RGS20: variants seen among roughly 807,000 people sequenced by gnomAD.
RGS20 encodes gz-selective GTPase-activating protein.
A neutral mutation model predicts 33.6 loss-of-function variants in RGS20; 30 were observed. The observed-to-expected ratio is 0.89, with a 90% CI of 0.67 to 1.21. RGS20 has a LOEUF of 1.21. Ranked by LOEUF, RGS20 falls within the 50% of genes most tolerant of loss-of-function variation. The probability of loss-of-function intolerance (pLI) is 0.00; values close to 1 mark genes in which losing one functional copy is unlikely to be tolerated. For missense variants in RGS20, 472 were observed against 502.4 expected (o/e 0.94, Z 0.58); for synonymous variants, 208 against 197.9 (o/e 1.05, Z -0.43).
At chr8:53,861,447 A>C (rs1182189409) in intron 1 of RGS20, among the ~76,000 whole-genome samples, 1 of 152,244 alleles carries the variant, frequency 6.6e-6, no homozygotes, top group Non-Finnish European at 1.5e-5. Flanking sequence ...GTGAAGTTAC[A>C]TAAAAATAGT....
chr8:53,899,254 G>A (rs952977389), intron 2 of RGS20, among the ~76,000 whole-genome samples: 2 of 151,954 alleles, frequency 1.3e-5, no homozygotes, highest in African/African-American at 2.4e-5. Context: ...CTTTTCTCAG[G>A]TGTCTCAGGT....
chr8:53,936,919 A>G (rs1248244436), intron 2 of RGS20, among the ~76,000 whole-genome samples: 1 of 152,098 alleles, frequency 6.6e-6, no homozygotes, highest in African/African-American at 2.4e-5. Context: ...GGAACAGAAC[A>G]GAGGCCTCAG....
At chr8:53,857,575 G>A (rs1007023905) in intron 1 of RGS20, among the ~76,000 whole-genome samples, 4 of 152,192 alleles carry the variant, frequency 2.6e-5, no homozygotes, top group East Asian at 1.9e-4. Context: ...ATAAATTTTA[G>A]TGATCTATTC....
chr8:53,867,339 C>T (rs930809711), intron 1 of RGS20, among the ~76,000 whole-genome samples: 3 of 152,188 alleles, frequency 2.0e-5, no homozygotes, highest in African/African-American at 4.8e-5. Context: ...GCATTTGCTT[C>T]CACCAGCTCT....
chr8:53,855,581 A>G (rs1811654246), intron 1 of RGS20, among the ~76,000 whole-genome samples: 1 of 152,224 alleles, frequency 6.6e-6, no homozygotes, highest in South Asian at 2.1e-4. Context: ...ATACACGTGC[A>G]CACACAGAAA....
At chr8:53,865,477 T>C (rs1006072261) in intron 1 of RGS20, among the ~76,000 whole-genome samples, 1 of 152,270 alleles carries the variant, frequency 6.6e-6, no homozygotes, top group Non-Finnish European at 1.5e-5. Context: ...TAAAACCGTA[T>C]GTGCCCATTA....
chr8:53,941,798 G>T (rs991883748), intron 3 of RGS20, among the ~76,000 whole-genome samples: 5 of 152,048 alleles, frequency 3.3e-5, no homozygotes, highest in Non-Finnish European at 7.4e-5. Context: ...TTGGTATTTG[G>T]GTACCAACTC....
chr8:53,941,672 A>G (rs1814301007), intron 3 of RGS20, among the ~76,000 whole-genome samples: 1 of 152,234 alleles, frequency 6.6e-6, no homozygotes, highest in South Asian at 2.1e-4. Flanking sequence ...GTCCAAAAAT[A>G]CACCCTATAG....
At chr8:53,909,380 G>T (rs951736206) in intron 2 of RGS20, among the ~76,000 whole-genome samples, 3 of 150,968 alleles carry the variant, frequency 2.0e-5, no homozygotes, top group African/African-American at 7.3e-5. Context: ...CTCCCAAATA[G>T]CTGGGACTAT....
chr8:53,930,840 C>T (rs1307360837), intron 2 of RGS20, among the ~76,000 whole-genome samples: 2 of 152,172 alleles, frequency 1.3e-5, no homozygotes, highest in African/African-American at 4.8e-5. Flanking sequence ...AGGCAAGTTG[C>T]ATCAACATCT....
chr8:53,872,373 C>T (rs1384132891), intron 1 of RGS20, among the ~76,000 whole-genome samples: 2 of 152,144 alleles, frequency 1.3e-5, no homozygotes, highest in East Asian at 1.9e-4. Context: ...ATTGCTTTTA[C>T]AATAAAATCC....
chr8:53,936,505 T>C (rs1158082726), intron 2 of RGS20, among the ~76,000 whole-genome samples: 1 of 151,956 alleles, frequency 6.6e-6, no homozygotes, highest in African/African-American at 2.4e-5. Context: ...CACAATTGCT[T>C]CAAAGAGAAT....
At chr8:53,865,770 C>T (rs1811905806) in intron 1 of RGS20, among the ~76,000 whole-genome samples, 1 of 152,162 alleles carries the variant, frequency 6.6e-6, no homozygotes, top group South Asian at 2.1e-4. Context: ...CCATGCCCAG[C>T]TAATTTTATC....
intron 2 of RGS20, among the ~76,000 whole-genome samples, chr8:53,910,576 C>A (rs1248324581): frequency 6.6e-6 from 1 of 152,140 alleles, no homozygotes; most frequent in African/African-American, 2.4e-5. Context: ...TACTATGTGA[C>A]CCAGTGAGTA....
chr8:53,852,901 A>G (rs1811597762), intron 1 of RGS20, among the ~76,000 whole-genome samples: 1 of 152,178 alleles, frequency 6.6e-6, no homozygotes, highest in Non-Finnish European at 1.5e-5. Flanking sequence ...CTTTCTCCTA[A>G]TGTTATTTTA....
intron 4 of RGS20, among the ~76,000 whole-genome samples, chr8:53,949,397 A>G (rs973901527): frequency 6.6e-6 from 1 of 150,828 alleles, no homozygotes; most frequent in African/African-American, 2.4e-5. Flanking sequence ...TGAAACAGTT[A>G]TATTTTAAAA....
At chr8:53,882,763 G>A (rs1812429647) in intron 2 of RGS20, among the ~76,000 whole-genome samples, 1 of 152,176 alleles carries the variant, frequency 6.6e-6, no homozygotes, top group Middle Eastern at 3.2e-3. Context: ...CTCGGTGCCA[G>A]CAGGACCCTC....
intron 2 of RGS20, among the ~76,000 whole-genome samples, chr8:53,893,259 A>T (rs1812765052): frequency 6.6e-6 from 1 of 152,190 alleles, no homozygotes; most frequent in Admixed American, 6.5e-5. Flanking sequence ...ATTAATTTTC[A>T]TATTAGATTT....
intron 3 of RGS20, among the ~76,000 whole-genome samples, chr8:53,942,327 G>A (rs746260305): frequency 3.3e-5 from 5 of 151,334 alleles, no homozygotes; most frequent in African/African-American, 7.3e-5. Flanking sequence ...GCATGGTGGC[G>A]CACACCTGTA....
Sources: allele counts gnomAD v4.1 joint callset (sites outside exome capture counted in the v4.1 genomes callset), GRCh38; gene constraint gnomAD v4.1.1; transcripts MANE v1.5; gene names NCBI Gene and HGNC (gene_info 2026-07-23, HGNC 2026-07-21).